Variants in COPA observed in about 807,000 individuals in gnomAD.
COPA encodes coatomer subunit alpha.
A neutral mutation model predicts 158.7 loss-of-function variants in COPA; 10 were observed. The observed-to-expected ratio is 0.06, with a 90% CI of 0.04 to 0.11. COPA has a LOEUF of 0.11. Among genes scored for constraint, COPA ranks in the 10% least tolerant of loss-of-function variants. The probability of loss-of-function intolerance (pLI) is 1.00; values close to 1 mark genes in which losing one functional copy is unlikely to be tolerated. For synonymous variants in COPA, 462 were observed against 542.8 expected (o/e 0.85, Z 2.07); for missense variants, 1,065 against 1,536.7 (o/e 0.69, Z 5.13).
At chr1:160,300,260 A>G (rs567116853) in intron 17 of COPA, among the ~76,000 whole-genome samples, 89 of 152,034 alleles carry the variant, frequency 5.9e-4, no homozygotes, top group African/African-American at 2.1e-3. Context: ...GAGTCACTTG[A>G]ACCCGAGAGA....
intron 17 of COPA, among the ~76,000 whole-genome samples, chr1:160,303,756 G>T (rs899057367): frequency 6.6e-6 from 1 of 152,146 alleles, no homozygotes; most frequent in Admixed American, 6.5e-5. Context: ...TGCTACAAAA[G>T]AGGAGATACT....
chr1:160,310,164 A>G (rs1658919298), intron 12 of COPA, 28 bp downstream of exon 12: 2 of 1,470,064 alleles, frequency 1.4e-6, no homozygotes, highest in Non-Finnish European at 1.8e-6. Context: ...AATGAGGAGA[A>G]CCTAGGAGGG....
chr1:160,295,997 A>T, intron 22 of COPA, 64 bp downstream of exon 22: 1 of 1,584,606 alleles, frequency 6.3e-7, no homozygotes, highest in Non-Finnish European at 8.7e-7. Flanking sequence ...TCATAATTTT[A>T]AATTGTTCTA....
At position 160,297,389 on chromosome 1, in the gene COPA, C is replaced by G; in HGVS notation, c.2217G>C (p.Leu739=). 1 of 1,614,172 alleles carries G rather than the reference C, an allele frequency of 6.2e-7. No homozygotes were observed. The highest frequency in any genetic ancestry group is 2.2e-5 in the East Asian group (1 of 44,894). Residue 739 remains leucine, a synonymous_variant, in exon 21 of 33, where the codon CTG becomes CTC. Transcript: ENST00000241704. ...MSGHYQNALY[L]GDVSERVRIL... is the part of the protein sequence containing the mutation. ...TCCGCACACGCTCTGACACATCACC[C>G]AGGTATAGGGCATTCTGATAGTGGC...
chr1:160,313,925 T>A, intron 9 of COPA, 65 bp downstream of exon 9: 1 of 1,418,604 alleles, frequency 7.0e-7, no homozygotes, highest in Non-Finnish European at 9.4e-7. Context: ...CATAAAGAAG[T>A]ATTCCAATCT....
At chr1:160,292,660 G>A in intron 27 of COPA, 40 bp from the exon 28 acceptor site, 5 of 1,515,190 alleles carry the variant, frequency 3.3e-6, no homozygotes, top group Non-Finnish European at 3.6e-6. Context: ...TGGCCCTGCT[G>A]CATAAAAAGC....
intron 6 of COPA, among the ~76,000 whole-genome samples, chr1:160,331,450 C>T (rs559799863): frequency 6.1e-4 from 93 of 151,530 alleles, no homozygotes; most frequent in Non-Finnish European, 1.1e-3. Context: ...GTCAGGAGTT[C>T]GAGACCAGCC....
At chr1:160,337,074 A>G (rs985248940) in intron 3 of COPA, among the ~76,000 whole-genome samples, 1 of 152,250 alleles carries the variant, frequency 6.6e-6, no homozygotes. Flanking sequence ...AGAGTTTCAC[A>G]TAAAAATTAG....
At chr1:160,330,821 T>C (rs1299657153) in intron 6 of COPA, among the ~76,000 whole-genome samples, 1 of 152,148 alleles carries the variant, frequency 6.6e-6, no homozygotes, top group African/African-American at 2.4e-5. Flanking sequence ...TGTTTTGTAG[T>C]CCAGTCACTG....
At chr1:160,338,202 C>T (rs1647863780) in intron 3 of COPA, among the ~76,000 whole-genome samples, 1 of 152,218 alleles carries the variant, frequency 6.6e-6, no homozygotes, top group Admixed American at 6.5e-5. Context: ...ATGTTCATCA[C>T]TATAAATAAC....
chr1:160,324,951 T>C (rs1177849786), intron 7 of COPA, among the ~76,000 whole-genome samples: 1 of 152,216 alleles, frequency 6.6e-6, no homozygotes, highest in Admixed American at 6.5e-5. Context: ...AGATGTATCA[T>C]GATGCAGCGA....
intron 23 of COPA, 55 bp downstream of exon 23, chr1:160,295,681 G>A (rs993554284): frequency 6.5e-7 from 1 of 1,533,132 alleles, no homozygotes. Context: ...TATTCTCTAG[G>A]ACAGTTCTTC....
rs370294179 is a variant in COPA, at chr1:160,306,509, A to C, written c.1303-16T>G. On this transcript the variant is annotated splice_polypyrimidine_tract_variant and intron_variant, in intron 14 of 32. Transcript: ENST00000241704. ...TGATCAGAAGCTGCAATAAGTATTA[A>C]AGATGGGGTTAAGAGAAGAAATGTG... 1.9e-6 allele frequency: 3 copies of C among 1,613,982 alleles called. No homozygotes were observed. Among genetic ancestry groups the C allele is most frequent in the Non-Finnish European group, 2.5e-6 (3 of 1,179,966 alleles).
intron 14 of COPA, among the ~76,000 whole-genome samples, chr1:160,306,815 G>C (rs1658799784): frequency 6.6e-6 from 1 of 152,188 alleles, no homozygotes; most frequent in African/African-American, 2.4e-5. Context: ...TTTATCTTGT[G>C]CTGGACCTAT....
intron 26 of COPA, 37 bp downstream of exon 26, chr1:160,293,349 C>A (rs1259699007): frequency 6.2e-7 from 1 of 1,611,566 alleles, no homozygotes; most frequent in East Asian, 2.2e-5. Context: ...AAGTATTAGC[C>A]ACTCATCCCT....
chr1:160,298,962 T>C lies in COPA; in HGVS notation c.1860A>G (p.Leu620=). ...EVLHMVRNAK[L]VGQSIIAYLQ... The stretch of plus-strand genomic sequence containing the variant: ...GATAAGCAATAATAGACTGGCCAAC[T>C]AGTTTGGCATTCCTCACCATGTGCA... Residue 620 remains leucine (L), a synonymous_variant, in exon 19 of 33, where the codon CTA becomes CTG. Coordinates refer to ENST00000241704, the MANE Select transcript of COPA (RefSeq NM_004371.4). 6.2e-7 allele frequency: 1 copy of C among 1,613,952 alleles called. No homozygotes were observed. The highest frequency in any genetic ancestry group is 8.5e-7 in the Non-Finnish European group (1 of 1,179,994).
intron 20 of COPA, 27 bp downstream of exon 20, chr1:160,297,529 T>C: frequency 6.2e-7 from 1 of 1,613,068 alleles, no homozygotes; most frequent in Non-Finnish European, 8.5e-7. Context: ...AGAACCCCTC[T>C]TCCCATCCTT....
intron 21 of COPA, among the ~76,000 whole-genome samples, chr1:160,296,717 T>A (rs1385157398): frequency 6.6e-6 from 1 of 152,214 alleles, no homozygotes; most frequent in Non-Finnish European, 1.5e-5. Context: ...TACACAGAAA[T>A]AGAGAACTAA....
intron 10 of COPA, among the ~76,000 whole-genome samples, chr1:160,312,410 T>C (rs1325539701): frequency 6.6e-6 from 1 of 152,220 alleles, no homozygotes; most frequent in East Asian, 1.9e-4. Flanking sequence ...AAAAAGAGTA[T>C]AAGAAGTATT....
Sources: gnomAD v4.1 joint callset for allele counts (sites outside exome capture counted in the v4.1 genomes callset) on GRCh38, gnomAD v4.1.1 for gene constraint, MANE v1.5 for transcripts, NCBI Gene and HGNC (gene_info 2026-07-23, HGNC 2026-07-21) for gene names.